The following FBXW10B variants were observed in gnomAD, a reference collection of about 807,000 sequenced individuals.
FBXW10B encodes F-box and WD repeat domain containing protein 10B.
chr17:15,600,802 C>A, the FBXW10B span, among the ~76,000 whole-genome samples: 2 of 152,008 alleles, frequency 1.3e-5, no homozygotes, highest in Non-Finnish European at 2.9e-5. Context: ...GTAATTCCAG[C>A]ACTTTGGTAG....
the FBXW10B span, among the ~76,000 whole-genome samples, chr17:15,577,303 A>G: frequency 0.22 from 33,248 of 152,006 alleles, 8,002 homozygotes; most frequent in African/African-American, 0.57. Context: ...TGAAGAGTTC[A>G]CAAAAACTTT....
At chr17:15,582,490 T>G in the FBXW10B span, among the ~76,000 whole-genome samples, 1 of 152,116 alleles carries the variant, frequency 6.6e-6, no homozygotes, top group African/African-American at 2.4e-5. Context: ...AATTGATATA[T>G]TCTCTCTTTA....
chr17:15,581,057 T>G, the FBXW10B span, among the ~76,000 whole-genome samples: 1 of 152,184 alleles, frequency 6.6e-6, no homozygotes, highest in Admixed American at 6.5e-5. Context: ...AGCCTTTACC[T>G]AAGCAAGTTT....
the FBXW10B span, among the ~76,000 whole-genome samples, chr17:15,603,838 C>T: frequency 2.0e-5 from 3 of 148,856 alleles, no homozygotes; most frequent in African/African-American, 2.5e-5. Context: ...TTTAGGAGGC[C>T]GAGGCGGGTG....
At chr17:15,593,442 T>G in the FBXW10B span, 17 of 1,614,142 alleles carry the variant, frequency 1.1e-5, no homozygotes, top group Non-Finnish European at 1.3e-5. Flanking sequence ...GATCTTGCCA[T>G]CTGCACAGGC....
the FBXW10B span, among the ~76,000 whole-genome samples, chr17:15,602,106 C>T: frequency 7.2e-6 from 1 of 139,042 alleles, no homozygotes; most frequent in African/African-American, 3.0e-5. Flanking sequence ...AGCGAGACTC[C>T]GTCTTAAAAA....
At chr17:15,612,645 T>A in the FBXW10B span, 3 of 1,611,910 alleles carry the variant, frequency 1.9e-6, no homozygotes, top group Non-Finnish European at 2.5e-6. Context: ...CAGCCTTCAA[T>A]GGCAATTAGA....
At chr17:15,601,062 A>AAAAAAAAAAAAAAAAAAAT in the FBXW10B span, among the ~76,000 whole-genome samples, 1 of 146,876 alleles carries the variant, frequency 6.8e-6, no homozygotes, top group African/African-American at 2.5e-5. Flanking sequence ...AAAAAAAAAA[A>AAAAAAAAAAAAAAAAAAAT]AAAAAAAAGA....
the FBXW10B span, among the ~76,000 whole-genome samples, chr17:15,616,620 C>T: frequency 1.3e-4 from 19 of 151,668 alleles, no homozygotes; most frequent in African/African-American, 3.9e-4. Flanking sequence ...CTGGCTAACA[C>T]GGTGAAACCC....
At chr17:15,595,999 C>T in the FBXW10B span, among the ~76,000 whole-genome samples, 1 of 151,126 alleles carries the variant, frequency 6.6e-6, no homozygotes, top group Non-Finnish European at 1.5e-5. Flanking sequence ...CTGCTTCAGC[C>T]TCCCAAGTAG....
the FBXW10B span, chr17:15,565,605 G>T: frequency 6.2e-7 from 1 of 1,614,096 alleles, no homozygotes; most frequent in Admixed American, 1.7e-5. Context: ...CAATAGGCAG[G>T]CCTTTGATCT....
At chr17:15,572,223 T>C in the FBXW10B span, 1 of 152,064 alleles carries the variant, frequency 6.6e-6, no homozygotes, top group South Asian at 2.1e-4. Context: ...TTGTAGAACA[T>C]AAGATTTTGG....
the FBXW10B span, among the ~76,000 whole-genome samples, chr17:15,568,065 A>G: frequency 5.3e-5 from 8 of 152,166 alleles, no homozygotes; most frequent in Non-Finnish European, 8.8e-5. Context: ...TACTATCATC[A>G]TCGGAACACT....
chr17:15,581,456 G>A, the FBXW10B span, among the ~76,000 whole-genome samples: 1 of 152,226 alleles, frequency 6.6e-6, no homozygotes, highest in Admixed American at 6.5e-5. Flanking sequence ...AACACTTGTA[G>A]CTGTATGATT....
chr17:15,614,344 A>G, the FBXW10B span, among the ~76,000 whole-genome samples: 1 of 148,638 alleles, frequency 6.7e-6, no homozygotes, highest in Admixed American at 6.7e-5. Context: ...GCCCGCCACC[A>G]CGCCCGACTA....
the FBXW10B span, among the ~76,000 whole-genome samples, chr17:15,580,927 C>T: frequency 6.6e-6 from 1 of 152,042 alleles, no homozygotes; most frequent in East Asian, 1.9e-4. Flanking sequence ...ATTCTTAAGA[C>T]AACTCTATAA....
chr17:15,585,843 A>C, the FBXW10B span, among the ~76,000 whole-genome samples: 2 of 152,036 alleles, frequency 1.3e-5, no homozygotes. Flanking sequence ...CTTTGACTGG[A>C]CCACTCCCAC....
the FBXW10B span, among the ~76,000 whole-genome samples, chr17:15,577,955 C>T: frequency 2.7e-5 from 4 of 150,334 alleles, no homozygotes; most frequent in South Asian, 4.2e-4. Flanking sequence ...TGGAGACCAA[C>T]CATGTGGAGG....
the FBXW10B span, among the ~76,000 whole-genome samples, chr17:15,615,321 C>CTTTTTTTTTTTTTTT: frequency 1.1e-5 from 1 of 88,732 alleles, no homozygotes; most frequent in African/African-American, 5.7e-5. Flanking sequence ...TATTGGCTTT[C>CTTTTTTTTTTTTTTT]TTTTTTTTTT....
Sources: allele counts gnomAD v4.1 joint callset (sites outside exome capture counted in the v4.1 genomes callset), GRCh38; gene constraint gnomAD v4.1.1; transcripts MANE v1.5; gene names NCBI Gene and HGNC (gene_info 2026-07-23, HGNC 2026-07-21).